Variants in PHACTR4 observed in about 807,000 individuals in gnomAD.
PHACTR4 encodes the protein phosphatase and actin regulator 4.
PHACTR4 carries 51 observed loss-of-function variants against 72.7 expected under a neutral mutation model. The ratio of observed to expected loss-of-function variants is 0.70; its 90% CI spans 0.56 to 0.89. PHACTR4 has a LOEUF of 0.89. Ranked by LOEUF, PHACTR4 falls within the 40% of genes least tolerant of loss-of-function variation. The probability of loss-of-function intolerance (pLI) is 0.00; values close to 1 mark genes in which losing one functional copy is unlikely to be tolerated. For synonymous variants in PHACTR4, 255 were observed against 302.5 expected, an observed-to-expected ratio of 0.84 and a Z score of 1.63; for missense variants, 731 against 861.8, an observed-to-expected ratio of 0.85 and a Z score of 1.90.
intron 1 of PHACTR4, among the ~76,000 whole-genome samples, chr1:28,402,270 G>GA (rs147818366): frequency 4.6e-5 from 7 of 152,094 alleles, no homozygotes; most frequent in Admixed American, 4.6e-4. Flanking sequence ...ACCTGGGGGG[G>GA]AAAAAATTGG....
intron 1 of PHACTR4, among the ~76,000 whole-genome samples, chr1:28,382,935 A>G (rs1478877016): frequency 6.6e-6 from 1 of 152,094 alleles, no homozygotes; most frequent in Non-Finnish European, 1.5e-5. Context: ...CTGGGACTAC[A>G]GGCCCCGCCA....
At chr1:28,376,064 C>T (rs192884604) in intron 1 of PHACTR4, among the ~76,000 whole-genome samples, 1,595 of 136,130 alleles carry the variant, frequency 0.012, 27 homozygotes, top group African/African-American at 0.047. Flanking sequence ...AGCGAAACTC[C>T]ATCTCAAAAA....
chr1:28,452,574 G>GT (rs900054792), intron 2 of PHACTR4, among the ~76,000 whole-genome samples: 20 of 152,068 alleles, frequency 1.3e-4, no homozygotes, highest in Non-Finnish European at 2.9e-4. Flanking sequence ...GGAGGCCAAG[G>GT]TGGGTAGATC....
rs763644845 is a variant in PHACTR4, at chr1:28,473,906, G to C, written c.1176G>C (p.Lys392Asn). The change falls in exon 7 of 14, where the codon AAG becomes AAC. Residue 392 changes from lysine (K) to asparagine (N), a missense_variant. Coordinates refer to ENST00000373839, the MANE Select transcript of PHACTR4 (RefSeq NM_001048183.3). ...QEIPQQEDQK[K>N]EVPKRILDQN... ...TTCCCCAGCAGGAAGATCAGAAAAA[G>C]GAAGTCCCCAAGAGGATACTGGACC... 4.3e-6 allele frequency: 7 copies of C among 1,613,984 alleles called. No individual in the cohort carries two copies. The highest frequency in any genetic ancestry group is 5.9e-6 in the Non-Finnish European group (7 of 1,180,024).
At chr1:28,487,727 G>GTTGTTT (rs1660774578) in intron 9 of PHACTR4, among the ~76,000 whole-genome samples, 1 of 63,310 alleles carries the variant, frequency 1.6e-5, no homozygotes, top group African/African-American at 5.6e-5. Flanking sequence ...GTTTTTTGTT[G>GTTGTTT]TTTTTTTTTT....
At chr1:28,458,899 T>G (rs992288393) in intron 2 of PHACTR4, among the ~76,000 whole-genome samples, 186 bp from the exon 3 acceptor site, 1 of 152,200 alleles carries the variant, frequency 6.6e-6, no homozygotes, top group Admixed American at 6.6e-5. Flanking sequence ...TCCTTAGTAG[T>G]TTATCTGTTA....
chr1:28,427,829 G>C (rs1655970878), intron 2 of PHACTR4, among the ~76,000 whole-genome samples: 1 of 152,150 alleles, frequency 6.6e-6, no homozygotes, highest in African/African-American at 2.4e-5. Flanking sequence ...CACATTAGAG[G>C]TACTCAGCAA....
chr1:28,475,028 C>T (rs565658959), intron 7 of PHACTR4, among the ~76,000 whole-genome samples: 2 of 151,886 alleles, frequency 1.3e-5, no homozygotes, highest in Admixed American at 1.3e-4. Flanking sequence ...TGGCTCACTG[C>T]AACCTCCATC....
chr1:28,417,852 T>C (rs967642324), intron 2 of PHACTR4, among the ~76,000 whole-genome samples: 1 of 151,408 alleles, frequency 6.6e-6, no homozygotes, highest in African/African-American at 2.4e-5. Flanking sequence ...GCATAGTGGC[T>C]CATGCCTCTA....
At chr1:28,418,242 C>T (rs1278911547) in intron 2 of PHACTR4, among the ~76,000 whole-genome samples, 1 of 151,690 alleles carries the variant, frequency 6.6e-6, no homozygotes. Context: ...GCAGGCAGAT[C>T]ACATGAGGTC....
chr1:28,408,837 G>A (rs1026285840), intron 2 of PHACTR4, among the ~76,000 whole-genome samples: 1 of 138,574 alleles, frequency 7.2e-6, no homozygotes, highest in East Asian at 2.0e-4. Flanking sequence ...CCCTATGCCC[G>A]ACTGATTTTT....
At chr1:28,495,438 A>G (rs1661285478) in intron 13 of PHACTR4, among the ~76,000 whole-genome samples, 1 of 151,978 alleles carries the variant, frequency 6.6e-6, no homozygotes, top group Non-Finnish European at 1.5e-5. Context: ...GAAGGCAGAC[A>G]ATGAACAAGC....
chr1:28,468,485 G>A (rs1254682800), intron 6 of PHACTR4, among the ~76,000 whole-genome samples: 2 of 152,112 alleles, frequency 1.3e-5, no homozygotes, highest in Admixed American at 6.6e-5. Flanking sequence ...CCAGCTACTC[G>A]GGAGGCTGAA....
chr1:28,430,137 C>T (rs1656150696), intron 2 of PHACTR4, among the ~76,000 whole-genome samples: 1 of 152,092 alleles, frequency 6.6e-6, no homozygotes, highest in Non-Finnish European at 1.5e-5. Context: ...ATTCTCCTGC[C>T]TCAGCCTCCC....
intron 1 of PHACTR4, among the ~76,000 whole-genome samples, chr1:28,400,593 T>A (rs1181853182): frequency 6.6e-6 from 1 of 151,922 alleles, no homozygotes; most frequent in Non-Finnish European, 1.5e-5. Flanking sequence ...TGAAGGATTT[T>A]TTTTGAGATG....
intron 1 of PHACTR4, among the ~76,000 whole-genome samples, chr1:28,371,053 CTG>C (rs1348979099): frequency 6.6e-6 from 1 of 152,198 alleles, no homozygotes; most frequent in African/African-American, 2.4e-5. Flanking sequence ...ATAATGGTAA[CTG>C]TGTATGTCCT....
chr1:28,394,072 TAGA>T (rs1653278813), intron 1 of PHACTR4, among the ~76,000 whole-genome samples: 1 of 152,092 alleles, frequency 6.6e-6, no homozygotes. Context: ...GGAAGTATTC[TAGA>T]AGAAGGCACT....
At chr1:28,432,114 C>T (rs572911028) in intron 2 of PHACTR4, among the ~76,000 whole-genome samples, 3 of 152,106 alleles carry the variant, frequency 2.0e-5, no homozygotes, top group South Asian at 4.1e-4. Flanking sequence ...GAGGGTGAGG[C>T]AGGAGAATCA....
chr1:28,436,257 T>A (rs890715642), intron 2 of PHACTR4, among the ~76,000 whole-genome samples: 12 of 152,158 alleles, frequency 7.9e-5, no homozygotes, highest in Non-Finnish European at 1.0e-4. Context: ...GCTGTCTTTT[T>A]TTAAAAAATT....
Sources: allele counts gnomAD v4.1 joint callset (sites outside exome capture counted in the v4.1 genomes callset), GRCh38; gene constraint gnomAD v4.1.1; transcripts MANE v1.5; gene names NCBI Gene and HGNC (gene_info 2026-07-23, HGNC 2026-07-21).